MARK3: variants seen among roughly 807,000 people sequenced by gnomAD.
MARK3 encodes MAP/microtubule affinity-regulating kinase 3.
MARK3 carries 46 observed loss-of-function variants against 90.1 expected under a neutral mutation model. That is an observed-to-expected ratio of 0.51 (90% CI 0.40 to 0.65). The LOEUF (loss-of-function observed/expected upper bound fraction) is 0.65, where lower values mean the gene tolerates loss of function less well. Ranked by LOEUF, MARK3 falls within the 30% of genes least tolerant of loss-of-function variation. MARK3 has a pLI of 0.00. For synonymous variants in MARK3, 321 were observed against 332.6 expected, an observed-to-expected ratio of 0.97 and a Z score of 0.38; for missense variants, 818 against 947.2, an observed-to-expected ratio of 0.86 and a Z score of 1.79.
intron 14 of MARK3, among the ~76,000 whole-genome samples, chr14:103,482,326 G>C (rs1238611986): frequency 6.6e-6 from 1 of 151,686 alleles, no homozygotes; most frequent in Admixed American, 6.6e-5. Context: ...TTCGTGACCA[G>C]CCTGGCCAAC....
chr14:103,391,257 G>A (rs889743576), intron 1 of MARK3, among the ~76,000 whole-genome samples: 6 of 152,134 alleles, frequency 3.9e-5, no homozygotes, highest in Non-Finnish European at 5.9e-5. Flanking sequence ...TAGTGCCAGC[G>A]TTGAGAAACC....
rs558228142 is a variant in MARK3, at chr14:103,446,087, T to C, written c.298-2832T>C. Reference sequence around the variant, plus strand: ...AGGATAACAAACAGGTGCACAAAAATGTGTCTTCATAGCTTGAAAGACATC... The same window carrying C: ...AGGATAACAAACAGGTGCACAAAAACGTGTCTTCATAGCTTGAAAGACATC... On this transcript the variant is annotated intron_variant, in intron 3 of 17. Coordinates refer to ENST00000429436, the MANE Select transcript of MARK3 (RefSeq NM_001128918.3). 2.0e-5 allele frequency among the ~76,000 whole-genome samples: 3 copies of C among 152,280 alleles called. No homozygotes were observed. In the South Asian group the frequency reaches 6.2e-4, roughly 32 times the overall value.
At chr14:103,464,289 C>CTTTTTT (rs143005949) in intron 7 of MARK3, among the ~76,000 whole-genome samples, 1 of 68,636 alleles carries the variant, frequency 1.5e-5, no homozygotes, top group East Asian at 5.1e-4. Flanking sequence ...TGATTTGTCT[C>CTTTTTT]TTTTTTTTTT....
chr14:103,405,858 A>G (rs1343213881), intron 2 of MARK3, among the ~76,000 whole-genome samples: 1 of 150,994 alleles, frequency 6.6e-6, no homozygotes, highest in East Asian at 2.0e-4. Context: ...TGGCCTCCCA[A>G]AGTGCTGGGA....
chr14:103,490,781 A>G (rs2094003275), intron 14 of MARK3: 1 of 200,828 alleles, frequency 5.0e-6, no homozygotes, highest in Non-Finnish European at 9.5e-6. Context: ...AAAAGCAACT[A>G]TAGGTTAGCA....
At chr14:103,396,746 A>G (rs2090605025) in intron 1 of MARK3, among the ~76,000 whole-genome samples, 1 of 151,860 alleles carries the variant, frequency 6.6e-6, no homozygotes, top group South Asian at 2.1e-4. Flanking sequence ...GAACTCTCCT[A>G]CTTGCCCTTT....
intron 2 of MARK3, 92 bp downstream of exon 2, chr14:103,405,359 TC>T (rs1211796297): frequency 1.9e-6 from 2 of 1,045,374 alleles, no homozygotes; most frequent in African/African-American, 3.4e-5. Context: ...AGGCCTTATT[TC>T]TTTTTTTTAA....
intron 14 of MARK3, chr14:103,491,181 A>G: frequency 1.8e-6 from 2 of 1,120,044 alleles, no homozygotes; most frequent in South Asian, 3.4e-5. Context: ...TGGATTTTAT[A>G]GTCTGAGATT....
chr14:103,390,642 G>C (rs183341991), intron 1 of MARK3, among the ~76,000 whole-genome samples: 2 of 152,300 alleles, frequency 1.3e-5, no homozygotes, highest in Admixed American at 1.3e-4. Context: ...AATTTGTGTT[G>C]GGTCACTTTC....
chr14:103,433,626 A>G (rs970200510), intron 3 of MARK3, among the ~76,000 whole-genome samples: 1 of 151,740 alleles, frequency 6.6e-6, no homozygotes, highest in African/African-American at 2.4e-5. Context: ...CGGAGGTTGC[A>G]GTGAGCCGAG....
intron 4 of MARK3, among the ~76,000 whole-genome samples, chr14:103,450,875 A>AGTGTGTGT (rs61183226): frequency 0.013 from 1,520 of 114,846 alleles, 24 homozygotes; most frequent in Non-Finnish European, 0.019. Flanking sequence ...TCATTTTTAA[A>AGTGTGTGT]GTGTGTGTGT....
rs1334127007 is a variant in MARK3, at chr14:103,443,355, ATG to A, written c.298-5563_298-5562del. 4.6e-5 allele frequency among the ~76,000 whole-genome samples: 7 copies of A among 152,352 alleles called. No homozygotes were observed. In the East Asian group the frequency reaches 1.3e-3, roughly 29 times the overall value. ...AATTCTTTTCTCAAATTCAGAAACAATGCTATTGAAATATATTGGAAACAGGA... is the reference window on the plus strand; with the variant it reads ...AATTCTTTTCTCAAATTCAGAAACAACTATTGAAATATATTGGAAACAGGA... On this transcript the variant is annotated intron_variant, in intron 3 of 17. Transcript: ENST00000429436.
intron 4 of MARK3, among the ~76,000 whole-genome samples, chr14:103,451,685 T>C (rs1363185052): frequency 2.6e-5 from 4 of 152,222 alleles, no homozygotes; most frequent in African/African-American, 7.2e-5. Flanking sequence ...TGAGCACATA[T>C]GGAAGTCACA....
At chr14:103,447,036 A>T (rs1053708834) in intron 3 of MARK3, among the ~76,000 whole-genome samples, 1 of 152,160 alleles carries the variant, frequency 6.6e-6, no homozygotes, top group African/African-American at 2.4e-5. Context: ...TTTATGTTGG[A>T]GATAAAAATG....
At chr14:103,443,484 C>T (rs982430231) in intron 3 of MARK3, among the ~76,000 whole-genome samples, 12 of 152,220 alleles carry the variant, frequency 7.9e-5, no homozygotes, top group South Asian at 6.2e-4. Flanking sequence ...ATCTTTGTTT[C>T]CCCAAAGATT....
chr14:103,429,930 A>G (rs1595633963), intron 3 of MARK3, among the ~76,000 whole-genome samples: 1 of 152,156 alleles, frequency 6.6e-6, no homozygotes, highest in East Asian at 1.9e-4. Flanking sequence ...GTGTTGTATC[A>G]AGTTGGCTGC....
intron 3 of MARK3, among the ~76,000 whole-genome samples, chr14:103,429,926 T>G (rs1052450627): frequency 6.6e-6 from 1 of 152,208 alleles, no homozygotes; most frequent in Non-Finnish European, 1.5e-5. Context: ...CATGGTGTTG[T>G]ATCAAGTTGG....
At chr14:103,430,073 G>C (rs1050369255) in intron 3 of MARK3, among the ~76,000 whole-genome samples, 7 of 151,950 alleles carry the variant, frequency 4.6e-5, no homozygotes, top group Non-Finnish European at 1.0e-4. Flanking sequence ...ATGGTAGTTT[G>C]GTTAGCCCAT....
intron 3 of MARK3, among the ~76,000 whole-genome samples, chr14:103,447,475 G>A (rs187265863): frequency 5.3e-5 from 8 of 152,180 alleles, no homozygotes; most frequent in East Asian, 3.9e-4. Context: ...GTTTTTCCCC[G>A]CTTTTGCCTC....
Sources: gnomAD v4.1 joint callset for allele counts (sites outside exome capture counted in the v4.1 genomes callset) on GRCh38, gnomAD v4.1.1 for gene constraint, MANE v1.5 for transcripts, NCBI Gene and HGNC (gene_info 2026-07-23, HGNC 2026-07-21) for gene names.